The following CEP63 variants were observed in gnomAD, a reference collection of about 807,000 sequenced individuals.
The protein encoded by CEP63 is centrosomal protein of 63 kDa.
Under a neutral mutation model 89.1 loss-of-function variants are expected in CEP63, and 84 were observed. The observed-to-expected ratio is 0.94, with a 90% confidence interval of 0.79 to 1.13. The LOEUF (loss-of-function observed/expected upper bound fraction) is 1.13, where lower values mean the gene tolerates loss of function less well. CEP63 is among the 50% of genes most tolerant of loss of function. The pLI is 0.00. For missense variants in CEP63, 838 were observed against 813.3 expected (o/e 1.03, Z -0.37); for synonymous variants, 267 against 272.5 (o/e 0.98, Z 0.20).
chr3:134,564,853 A>G lies in CEP63; in HGVS notation c.*3318A>G. On this transcript the variant is annotated 3_prime_UTR_variant, in exon 15 of 15. Transcript: ENST00000675561. ...ATGACAGACTCTGTAGTCACCGGAAATACTTAAGGAATCATGAGGTACTAT... is the reference window on the plus strand; with the variant it reads ...ATGACAGACTCTGTAGTCACCGGAAGTACTTAAGGAATCATGAGGTACTAT... The G allele has an allele frequency of 2.0e-6, 2 of 985,380 alleles. No individual in the cohort carries two copies. The highest frequency in any genetic ancestry group is 2.4e-6 in the Non-Finnish European group (2 of 829,864). The allele number at this position is 985,380 out of a possible 1,614,324, so 61.0% of individuals were successfully genotyped here. A position where few individuals can be genotyped will look rare whatever the true frequency, so the allele number is the denominator to read the frequency against.
At chr3:134,676,040 C>G in the CEP63 span, among the ~76,000 whole-genome samples, 1 of 152,164 alleles carries the variant, frequency 6.6e-6, no homozygotes, top group South Asian at 2.1e-4. Context: ...AGGTATACAC[C>G]CAAGAGAAGT....
the CEP63 span, chr3:134,619,091 T>C: frequency 2.1e-6 from 3 of 1,400,942 alleles, no homozygotes; most frequent in Non-Finnish European, 3.0e-6. Context: ...CATGGCACTG[T>C]GGAAGAGGGA....
chr3:134,762,698 G>A, the CEP63 span, among the ~76,000 whole-genome samples: 1 of 152,130 alleles, frequency 6.6e-6, no homozygotes, highest in Non-Finnish European at 1.5e-5. Context: ...GGAGAAACCA[G>A]CCCCACTAAC....
chr3:134,541,111 G>A (rs571228809), intron 6 of CEP63, among the ~76,000 whole-genome samples: 1 of 152,176 alleles, frequency 6.6e-6, no homozygotes, highest in Non-Finnish European at 1.5e-5. Context: ...TTCTGAAAGA[G>A]CTTTCCATAC....
chr3:134,766,857 C>T, the CEP63 span, among the ~76,000 whole-genome samples: 1 of 152,318 alleles, frequency 6.6e-6, no homozygotes, highest in East Asian at 1.9e-4. Context: ...TGCCCATGAC[C>T]TGGCACCCAC....
the CEP63 span, among the ~76,000 whole-genome samples, chr3:134,736,625 G>T: frequency 2.0e-5 from 3 of 152,108 alleles, no homozygotes; most frequent in East Asian, 3.8e-4. Context: ...CCTTTCTGAA[G>T]AAATCATTAA....
chr3:134,550,136 A>G lies in CEP63; in HGVS notation c.1256A>G (p.His419Arg). 5 of 1,613,956 alleles carry G rather than the reference A, an allele frequency of 3.1e-6. No homozygotes were observed. Among genetic ancestry groups the G allele is most frequent in the Non-Finnish European group, 4.2e-6 (5 of 1,179,808 alleles). The change falls in exon 11 of 15, where the codon CAT becomes CGT. Residue 419 changes from histidine to arginine, a missense_variant. Coordinates refer to ENST00000675561, the MANE Select transcript of CEP63 (RefSeq NM_001353108.3). ...GAAGGAATGAAGATGGAAATCTCCCATCTAACTCAGGAGTTACATCAGCGA... is the reference window on the plus strand; with the variant it reads ...GAAGGAATGAAGATGGAAATCTCCCGTCTAACTCAGGAGTTACATCAGCGA... ...ALEGMKMEIS[H>R]LTQELHQRDI...
the CEP63 span, among the ~76,000 whole-genome samples, chr3:134,692,112 A>C: frequency 6.6e-6 from 1 of 151,994 alleles, no homozygotes; most frequent in Non-Finnish European, 1.5e-5. Flanking sequence ...TAATTAATTA[A>C]TTAATTTTTT....
At chr3:134,516,417 T>C (rs1044796418) in intron 3 of CEP63, among the ~76,000 whole-genome samples, 2 of 152,164 alleles carry the variant, frequency 1.3e-5, no homozygotes, top group East Asian at 3.9e-4. Flanking sequence ...GATGCCTTCC[T>C]CTTGTCTCAA....
At chr3:134,711,766 C>CTT in the CEP63 span, among the ~76,000 whole-genome samples, 8 of 139,856 alleles carry the variant, frequency 5.7e-5, no homozygotes, top group African/African-American at 1.1e-4. Flanking sequence ...CTTTTCTTTT[C>CTT]TTTTTTTTTT....
downstream of CEP63, among the ~76,000 whole-genome samples, chr3:134,592,164 G>A (rs79828814): frequency 0.016 from 2,458 of 152,250 alleles, 55 homozygotes; most frequent in African/African-American, 0.055. Flanking sequence ...GTTGGCAGGA[G>A]GACTCACTCA....
chr3:134,636,479 C>G, the CEP63 span, among the ~76,000 whole-genome samples: 3 of 152,150 alleles, frequency 2.0e-5, no homozygotes, highest in Non-Finnish European at 4.4e-5. Context: ...TCTTGGGATC[C>G]CAGCCATAAC....
At chr3:134,679,827 A>G in the CEP63 span, among the ~76,000 whole-genome samples, 1 of 152,128 alleles carries the variant, frequency 6.6e-6, no homozygotes, top group African/African-American at 2.4e-5. Context: ...GGCTCAAGCT[A>G]TCCTCCCACC....
chr3:134,646,695 T>C, the CEP63 span, among the ~76,000 whole-genome samples: 2 of 152,162 alleles, frequency 1.3e-5, no homozygotes, highest in Non-Finnish European at 1.5e-5. Context: ...TCCTTTACAC[T>C]GGCATTTGAT....
At chr3:134,741,522 C>T in the CEP63 span, among the ~76,000 whole-genome samples, 1 of 152,154 alleles carries the variant, frequency 6.6e-6, no homozygotes, top group Non-Finnish European at 1.5e-5. Context: ...ATGCTTGAGT[C>T]CTCGCTCTGA....
the CEP63 span, among the ~76,000 whole-genome samples, chr3:134,600,395 C>T: frequency 1.3e-5 from 2 of 152,216 alleles, no homozygotes; most frequent in African/African-American, 2.4e-5. Context: ...CGAAATCCTT[C>T]ATGCTTCAGT....
At chr3:134,603,631 G>A in the CEP63 span, 13 of 1,605,852 alleles carry the variant, frequency 8.1e-6, no homozygotes, top group South Asian at 1.1e-5. Context: ...ATTGTGGTTG[G>A]CATTCTCCAG....
At chr3:134,542,185 ATTC>A (rs1326174947) in intron 6 of CEP63, among the ~76,000 whole-genome samples, 3 of 152,228 alleles carry the variant, frequency 2.0e-5, no homozygotes, top group Non-Finnish European at 4.4e-5. Context: ...GCTGTAAAAT[ATTC>A]TTCAAGTTAA....
chr3:134,735,049 T>G, the CEP63 span, among the ~76,000 whole-genome samples: 1 of 152,272 alleles, frequency 6.6e-6, no homozygotes, highest in South Asian at 2.1e-4. Context: ...AAATGTATAA[T>G]CCAATGGCAA....
Sources: gnomAD v4.1 joint callset for allele counts (sites outside exome capture counted in the v4.1 genomes callset) on GRCh38, gnomAD v4.1.1 for gene constraint, MANE v1.5 for transcripts, NCBI Gene and HGNC (gene_info 2026-07-23, HGNC 2026-07-21) for gene names.